ZNF333: variants seen among roughly 807,000 people sequenced by gnomAD.
ZNF333 encodes the protein zinc finger protein 333.
In ZNF333, 61 loss-of-function variants were observed where a neutral mutation model predicts 76.1. The observed-to-expected ratio is 0.80, with a 90% confidence interval of 0.65 to 0.99. ZNF333 has a LOEUF of 0.99. Among genes scored for constraint, ZNF333 ranks in the 50% least tolerant of loss-of-function variants. The probability of loss-of-function intolerance (pLI) is 0.00; values close to 1 mark genes in which losing one functional copy is unlikely to be tolerated. For missense variants in ZNF333, 717 were observed against 822.4 expected (o/e 0.87, Z 1.57); for synonymous variants, 284 against 305.0 (o/e 0.93, Z 0.72).
rs373568403 is a variant in ZNF333 at position 14,719,373 on chromosome 19, G to T, written c.*48G>T. 6.6e-7 allele frequency: 1 copy of T among 1,516,448 alleles called. No individual in the cohort carries two copies. Among genetic ancestry groups the T allele is most frequent in the Non-Finnish European group, 8.8e-7 (1 of 1,131,620 alleles). 93.9% of individuals were successfully genotyped at this position (1,516,448 alleles called of 1,614,324 possible). On this transcript the variant is annotated 3_prime_UTR_variant, in exon 12 of 12. Transcript: ENST00000292530. ...ACACATGGGGCTATGACTTTCCCTC[G>T]TAATACTCCTTTAGCTGCATCCTGT...
chr19:14,715,573 A>G, intron 8 of ZNF333, 103 bp downstream of exon 8: 1 of 1,135,074 alleles, frequency 8.8e-7, no homozygotes, highest in Admixed American at 2.1e-5. Flanking sequence ...GTTGGTCTCC[A>G]TGCTTTCAGG....
At chr19:14,705,302 G>C in intron 6 of ZNF333, 132 bp downstream of exon 6, 1 of 735,402 alleles carries the variant, frequency 1.4e-6, no homozygotes, top group Non-Finnish European at 2.2e-6. Flanking sequence ...CAGGCTGTGG[G>C]CTTGGGGTGG....
intron 7 of ZNF333, 26 bp from the exon 8 acceptor site, chr19:14,715,356 C>G: frequency 6.2e-7 from 1 of 1,608,972 alleles, no homozygotes; most frequent in Non-Finnish European, 8.5e-7. Context: ...GGCACCAACC[C>G]TCATGCCTCT....
chr19:14,699,189 T>C lies in ZNF333; in HGVS notation c.224-10T>C, dbSNP rs1431643121. ...TGAAAGGAGTTCATTTTTTCTCCCA[T>C]TCATTTCAGCCTGGGAATCTCAACT... On this transcript the variant is annotated splice_polypyrimidine_tract_variant and intron_variant, in intron 4 of 11. Transcript: ENST00000292530. The C allele has an allele frequency of 6.8e-6, 11 of 1,610,754 alleles. No individual in the cohort carries two copies. The Admixed American group carries it at 1.8e-4, about 27-fold the overall frequency.
chr19:14,704,988 C>A, intron 5 of ZNF333, 66 bp from the exon 6 acceptor site: 1 of 1,516,932 alleles, frequency 6.6e-7, no homozygotes, highest in South Asian at 1.2e-5. Flanking sequence ...AACCAAAGGT[C>A]TCTCGGGCTG....
In ZNF333 at chr19:14,720,199, A is replaced by G; in HGVS notation, c.*874A>G. On this transcript the variant is annotated 3_prime_UTR_variant, in exon 12 of 12. Transcript: ENST00000292530. The stretch of plus-strand genomic sequence containing the variant: ...AAACTCTGTCTCAAAAATAATAATA[A>G]TAAAAAAAAGCTTCCATCTCCCAGC... The G allele has an allele frequency of 1.0e-6, 1 of 983,238 alleles. No individual in the cohort carries two copies. Among genetic ancestry groups the G allele is most frequent in the Non-Finnish European group, 1.2e-6 (1 of 828,220 alleles). The allele number at this position is 983,238 out of a possible 1,614,324, so 60.9% of individuals were successfully genotyped here. A position where few individuals can be genotyped will look rare whatever the true frequency, so the allele number is the denominator to read the frequency against.
chr19:14,724,523 T>G (rs1030498854), downstream of ZNF333, among the ~76,000 whole-genome samples: 2 of 152,182 alleles, frequency 1.3e-5, no homozygotes, highest in African/African-American at 4.8e-5. Context: ...CCCAGCACTT[T>G]GGGAGGCCGA....
chr19:14,710,518 C>T (rs2042244740), intron 7 of ZNF333, among the ~76,000 whole-genome samples: 1 of 152,208 alleles, frequency 6.6e-6, no homozygotes, highest in South Asian at 2.1e-4. Flanking sequence ...TGGCTCATGC[C>T]TGTAATCCCA....
rs1271997572 is a variant in ZNF333 at position 14,721,618 on chromosome 19, T to C, written c.*2293T>C. 1 of 152,234 alleles carries C rather than the reference T, an allele frequency of 6.6e-6. No individual in the cohort carries two copies. The highest frequency in any genetic ancestry group is 1.5e-5 in the Non-Finnish European group (1 of 68,036). 9.4% of individuals were successfully genotyped at this position (152,234 alleles called of 1,614,324 possible). On this transcript the variant is annotated 3_prime_UTR_variant, in exon 12 of 12. Transcript: ENST00000292530. ...TCAGTAGTTTATGCTTTTTAATTGC[T>C]GTGTAATAGTCCATAGTCTGAATAT...
chr19:14,719,880 A>C lies in ZNF333; in HGVS notation c.*555A>C. On this transcript the variant is annotated 3_prime_UTR_variant, in exon 12 of 12. Transcript: ENST00000292530. ...TTTTCTGTTCAGATTGGCAGTGTGC[A>C]CTATTAAAAAGCTTCCATCTCCCGG... 2.0e-6 allele frequency: 2 copies of C among 985,904 alleles called. No individual in the cohort carries two copies. Among genetic ancestry groups the C allele is most frequent in the Non-Finnish European group, 2.4e-6 (2 of 830,408 alleles). The allele number at this position is 985,904 out of a possible 1,614,324, so 61.1% of individuals were successfully genotyped here.
At position 14,705,054 on chromosome 19, in the gene ZNF333, G is replaced by A. The variant is rs767611197; in HGVS notation, c.307G>A (p.Gly103Arg). 1.2e-6 allele frequency: 2 copies of A among 1,613,658 alleles called. No homozygotes were observed. The highest frequency in any genetic ancestry group is 1.7e-6 in the Non-Finnish European group (2 of 1,179,738). Residue 103 changes from glycine to arginine, a missense_variant and splice_region_variant, in exon 6 of 12, where the codon GGG becomes AGG. Gly to Arg is a moderately radical substitution (Grantham distance 125). Transcript: ENST00000292530. ...EEASSRDMQM[G>R]PGLFLRMQLV... ...TCAGCACCCTCTTGTCTTTTGCCAG[G>A]GGCCGGGGCTGTTCCTGAGGATGCA...
chr19:14,690,997 G>A (rs2146939596), intron 1 of ZNF333, among the ~76,000 whole-genome samples: 1 of 152,302 alleles, frequency 6.6e-6, no homozygotes, highest in South Asian at 2.1e-4. Context: ...GGAGGCTGAG[G>A]CAGGAGAATC....
rs770607863 is a variant in ZNF333 at position 14,719,067 on chromosome 19, T to C, written c.1740T>C (p.His580=). ...GTGAGCCCTCATCCCTCAGGAAACA[T>C]GCAAGGACTCACAGTGGCAAGAAGC... is the stretch of plus-strand genomic sequence containing the variant. ...AFSEPSSLRK[H]ARTHSGKKPY... Residue 580 remains histidine (H), a synonymous_variant, in exon 12 of 12, where the codon CAT becomes CAC. Transcript: ENST00000292530. 1.2e-6 allele frequency: 2 copies of C among 1,614,104 alleles called. No individual in the cohort carries two copies. Among genetic ancestry groups the C allele is most frequent in the South Asian group, 1.1e-5 (1 of 91,082 alleles).
chr19:14,728,380 T>A (rs1237555965), intron 11 of ZNF333, among the ~76,000 whole-genome samples: 1 of 152,230 alleles, frequency 6.6e-6, no homozygotes, highest in Admixed American at 6.5e-5. Context: ...TCTGTTTCTC[T>A]GAGGTCTGGC....
In ZNF333 at chr19:14,699,293, G is replaced by C; in HGVS notation, c.306+12G>C. The C allele has an allele frequency of 6.2e-7, 1 of 1,612,526 alleles. No homozygotes were observed. The highest frequency in any genetic ancestry group is 8.5e-7 in the Non-Finnish European group (1 of 1,178,812). Reference sequence around the variant, plus strand: ...GGGACATGCAAATGGTAAGATGCACGGGGTTTTCCCCGGCTCCCAGCATGG... The same window carrying C: ...GGGACATGCAAATGGTAAGATGCACCGGGTTTTCCCCGGCTCCCAGCATGG... On this transcript the variant is annotated intron_variant, in intron 5 of 11. Transcript: ENST00000292530.
chr19:14,717,388 A>G (rs1192139957), intron 10 of ZNF333: 1 of 546,140 alleles, frequency 1.8e-6, no homozygotes, highest in Non-Finnish European at 3.2e-6. Flanking sequence ...CCTCAACATT[A>G]GTCACAATCT....
intron 4 of ZNF333, among the ~76,000 whole-genome samples, chr19:14,696,718 G>A (rs145256972): frequency 6.2e-5 from 9 of 145,820 alleles, no homozygotes; most frequent in African/African-American, 1.5e-4. Context: ...CAGATTCCTC[G>A]TGACCTAATC....
chr19:14,719,763 G>C lies in ZNF333; in HGVS notation c.*438G>C, dbSNP rs1404947096. 3 of 990,604 alleles carry C rather than the reference G, an allele frequency of 3.0e-6. No homozygotes were observed. Among genetic ancestry groups the C allele is most frequent in the Admixed American group, 5.9e-5 (1 of 16,916 alleles). 61.4% of individuals were successfully genotyped at this position (990,604 alleles called of 1,614,324 possible). On this transcript the variant is annotated 3_prime_UTR_variant, in exon 12 of 12. Coordinates refer to ENST00000292530, the MANE Select transcript of ZNF333 (RefSeq NM_032433.4). ...TGGCCTCTTTGTTACTGAGTCATAG[G>C]TATTTGCTGAGATTTGCTATTAGGT...
At chr19:14,693,337 T>G in intron 1 of ZNF333, 114 bp from the exon 2 acceptor site, 19 of 665,360 alleles carry the variant, frequency 2.9e-5, no homozygotes, top group South Asian at 3.6e-5. Context: ...ATGTTGCTTA[T>G]GGAGATAAAT....
Sources: allele counts gnomAD v4.1 joint callset (sites outside exome capture counted in the v4.1 genomes callset), GRCh38; gene constraint gnomAD v4.1.1; transcripts MANE v1.5; gene names NCBI Gene and HGNC (gene_info 2026-07-23, HGNC 2026-07-21).